The following CYP2C18 variants were observed in gnomAD, a reference collection of about 807,000 sequenced individuals.
CYP2C18 encodes the protein cytochrome P450 2C18.
Under a neutral mutation model 41.3 loss-of-function variants are expected in CYP2C18, and 38 were observed. The ratio of observed to expected loss-of-function variants is 0.92; its 90% confidence interval spans 0.71 to 1.21. CYP2C18 has a LOEUF of 1.21. Among genes scored for constraint, CYP2C18 ranks in the 50% most tolerant of loss-of-function variants. The pLI is 0.00. For synonymous variants in CYP2C18, 236 were observed against 210.0 expected (o/e 1.12, Z -1.07); for missense variants, 635 against 591.4 (o/e 1.07, Z -0.77).
intron 5 of CYP2C18, among the ~76,000 whole-genome samples, chr10:94,708,010 C>T (rs1268299460): frequency 2.6e-5 from 4 of 152,176 alleles, no homozygotes; most frequent in Non-Finnish European, 4.4e-5. Context: ...CAATCCAGAA[C>T]AAACTGAAAA....
At chr10:94,690,490 G>A (rs141508262) in intron 3 of CYP2C18, among the ~76,000 whole-genome samples, 1,847 of 152,252 alleles carry the variant, frequency 0.012, 53 homozygotes, top group African/African-American at 0.043. Flanking sequence ...CCAGGAAGAA[G>A]TTGAATCTCT....
chr10:94,695,751 G>T (rs1003475230), intron 4 of CYP2C18, among the ~76,000 whole-genome samples: 1 of 152,294 alleles, frequency 6.6e-6, no homozygotes, highest in East Asian at 1.9e-4. Context: ...AGGGGTGACA[G>T]ATGGCACCTG....
At chr10:94,730,066 T>G (rs1847802272) in intron 7 of CYP2C18, among the ~76,000 whole-genome samples, 2 of 152,160 alleles carry the variant, frequency 1.3e-5, no homozygotes, top group Non-Finnish European at 2.9e-5. Context: ...GCAGTTTTCT[T>G]ATTGTATTCA....
intron 4 of CYP2C18, among the ~76,000 whole-genome samples, chr10:94,703,174 C>T (rs756019651): frequency 9.9e-5 from 15 of 152,162 alleles, no homozygotes; most frequent in South Asian, 2.1e-4. Flanking sequence ...TCTGTCAAAC[C>T]GTGCTGGGAG....
rs985161056 is a variant in CYP2C18, at chr10:94,701,190, T to C, written c.643-5594T>C. Among the ~76,000 whole-genome samples the C allele has an allele frequency of 3.9e-5, 6 of 152,208 alleles. 2 individuals carry two copies. The South Asian group carries it at 1.2e-3, about 31-fold the overall frequency. On this transcript the variant is annotated intron_variant, in intron 4 of 8. Transcript: ENST00000285979. ...CACACATATGTTTATTGTGGCATTA[T>C]TCACAATAGCAAAGACTTGGAACCA...
At chr10:94,709,644 A>AT (rs544968930) in intron 5 of CYP2C18, among the ~76,000 whole-genome samples, 4 of 152,038 alleles carry the variant, frequency 2.6e-5, no homozygotes, top group African/African-American at 7.2e-5. Flanking sequence ...GTTTCTTGCA[A>AT]TTTTTTTGTC....
At chr10:94,724,558 ATCTCCATGC>A (rs1847705550) in intron 7 of CYP2C18, 25 bp downstream of exon 7, 1 of 1,598,340 alleles carries the variant, frequency 6.3e-7, no homozygotes, top group South Asian at 1.1e-5. Flanking sequence ...CCTACACTAC[ATCTCCATGC>A]TCTTCAAGTC....
chr10:94,708,598 T>G (rs1156976321), intron 5 of CYP2C18, among the ~76,000 whole-genome samples: 1 of 152,214 alleles, frequency 6.6e-6, no homozygotes, highest in Non-Finnish European at 1.5e-5. Context: ...TTGAGTTTAA[T>G]TCACATATTG....
chr10:94,700,439 A>T (rs780873210), intron 4 of CYP2C18, among the ~76,000 whole-genome samples: 3 of 152,210 alleles, frequency 2.0e-5, no homozygotes, highest in Non-Finnish European at 4.4e-5. Context: ...AGAAAGCTGA[A>T]ACTGGATGCC....
intron 2 of CYP2C18, 28 bp from the exon 3 acceptor site, chr10:94,688,097 T>G (rs1846926137): frequency 6.2e-7 from 1 of 1,613,146 alleles, no homozygotes; most frequent in African/African-American, 1.3e-5. Context: ...GGATTCTCCC[T>G]CGTAGCTTCT....
chr10:94,720,057 A>G (rs1847622567), intron 5 of CYP2C18, among the ~76,000 whole-genome samples: 1 of 152,084 alleles, frequency 6.6e-6, no homozygotes, highest in African/African-American at 2.4e-5. Context: ...TATCTATATC[A>G]CCTCTACCTT....
chr10:94,720,478 C>T lies in CYP2C18; in HGVS notation c.902C>T (p.Thr301Ile). ...VTDMFGAGTE[T>I]TSTTLRYGLL... The stretch of plus-strand genomic sequence containing the variant: ...GATATGTTTGGGGCTGGAACAGAGA[C>T]AACGAGCACCACTCTGAGATATGGA... Residue 301 changes from threonine (T) to isoleucine (I), a missense_variant, in exon 6 of 9, where the codon ACA (threonine) becomes ATA (isoleucine). Thr to Ile is a moderately conservative substitution (Grantham distance 89). Coordinates refer to ENST00000285979, the MANE Select transcript of CYP2C18 (RefSeq NM_000772.3). 6.2e-7 allele frequency: 1 copy of T among 1,613,430 alleles called. No homozygotes were observed. Among genetic ancestry groups the T allele is most frequent in the Non-Finnish European group, 8.5e-7 (1 of 1,179,562 alleles).
chr10:94,720,654 A>T, intron 6 of CYP2C18, 117 bp downstream of exon 6: 1 of 1,062,296 alleles, frequency 9.4e-7, no homozygotes, highest in Non-Finnish European at 1.4e-6. Flanking sequence ...TTTCTGTGCC[A>T]TTGGCTCTAA....
chr10:94,704,683 T>G (rs1847306058), intron 4 of CYP2C18, among the ~76,000 whole-genome samples: 1 of 152,140 alleles, frequency 6.6e-6, no homozygotes, highest in African/African-American at 2.4e-5. Context: ...GTTCAGGATC[T>G]TCTCACATTT....
At chr10:94,685,161 G>C (rs1467327177) in intron 1 of CYP2C18, among the ~76,000 whole-genome samples, 1 of 151,896 alleles carries the variant, frequency 6.6e-6, no homozygotes, top group Non-Finnish European at 1.5e-5. Context: ...AGACCCCCAA[G>C]TAGCTGGGGC....
rs529312809 is a variant in CYP2C18, at chr10:94,687,521, AAAC to A, written c.169-246_169-244del. Among the ~76,000 whole-genome samples, 13 of 152,352 alleles carry A rather than the reference AAAC, an allele frequency of 8.5e-5. No homozygotes were observed. The East Asian group carries it at 2.3e-3, about 27-fold the overall frequency. ...ATCTGTCTTATCTGTAAAATAGAGTAAACAAGGTGTTGATGTGATGATTAAGTT... is the reference window on the plus strand; with the variant it reads ...ATCTGTCTTATCTGTAAAATAGAGTAAAGGTGTTGATGTGATGATTAAGTT... On this transcript the variant is annotated intron_variant, in intron 1 of 8. Coordinates refer to ENST00000285979, the MANE Select transcript of CYP2C18 (RefSeq NM_000772.3).
chr10:94,701,562 T>C (rs1409619475), intron 4 of CYP2C18, among the ~76,000 whole-genome samples: 1 of 152,174 alleles, frequency 6.6e-6, no homozygotes, highest in Non-Finnish European at 1.5e-5. Context: ...GGCACATGTA[T>C]ACATATGTAA....
intron 6 of CYP2C18, among the ~76,000 whole-genome samples, chr10:94,723,039 TA>T (rs996451232): frequency 6.6e-6 from 1 of 152,116 alleles, no homozygotes; most frequent in African/African-American, 2.4e-5. Flanking sequence ...GGGAAAGTCA[TA>T]AAAACATTCA....
At chr10:94,714,043 ATTTG>A (rs1462021820) in intron 5 of CYP2C18, among the ~76,000 whole-genome samples, 4 of 152,022 alleles carry the variant, frequency 2.6e-5, no homozygotes, top group African/African-American at 7.2e-5. Flanking sequence ...TTTCTTGTAA[ATTTG>A]TTTGAGTTCT....
Sources: gnomAD v4.1 joint callset for allele counts (sites outside exome capture counted in the v4.1 genomes callset) on GRCh38, gnomAD v4.1.1 for gene constraint, MANE v1.5 for transcripts, NCBI Gene and HGNC (gene_info 2026-07-23, HGNC 2026-07-21) for gene names.